PLCL1: variants seen among roughly 807,000 people sequenced by gnomAD.
The protein encoded by PLCL1 is phospholipase C like 1 (inactive).
A neutral mutation model predicts 84.4 loss-of-function variants in PLCL1; 41 were observed. The ratio of observed to expected loss-of-function variants is 0.49; its 90% CI spans 0.38 to 0.63. PLCL1 has a LOEUF of 0.63. PLCL1 is among the 30% of genes least tolerant of loss of function. The pLI, the probability that PLCL1 is intolerant of heterozygous loss-of-function variation, is 0.00. For missense variants in PLCL1, 1,206 were observed against 1,367.8 expected, an observed-to-expected ratio of 0.88 and a Z score of 1.87; for synonymous variants, 490 against 488.3, an observed-to-expected ratio of 1.00 and a Z score of -0.05.
At chr2:197,957,119 C>T (rs912983946) in intron 1 of PLCL1, among the ~76,000 whole-genome samples, 21 of 152,096 alleles carry the variant, frequency 1.4e-4, no homozygotes, top group Non-Finnish European at 2.8e-4. Context: ...ACTATTCAGG[C>T]CTTTTTAAAA....
At chr2:197,980,422 G>A (rs866034067) in intron 1 of PLCL1, among the ~76,000 whole-genome samples, 5 of 152,124 alleles carry the variant, frequency 3.3e-5, no homozygotes, top group African/African-American at 7.2e-5. Context: ...CTTTTGTTCC[G>A]TATCATATTG....
intron 1 of PLCL1, among the ~76,000 whole-genome samples, chr2:197,998,568 G>A (rs1690524348): frequency 1.3e-5 from 2 of 152,104 alleles, no homozygotes; most frequent in African/African-American, 4.8e-5. Context: ...GGGGCCTCCT[G>A]TTTTTGAGGC....
chr2:198,095,540 A>G lies in PLCL1; in HGVS notation c.2920-5745A>G, dbSNP rs1245372174. On this transcript the variant is annotated intron_variant, in intron 3 of 5. Coordinates refer to ENST00000428675, the MANE Select transcript of PLCL1 (RefSeq NM_006226.4). Reference sequence around the variant, plus strand: ...CTGAACTCCTTTTAATGTGCAAGCCACTGCGTTAAATGTTGTGGAAGGTTC... The same window carrying G: ...CTGAACTCCTTTTAATGTGCAAGCCGCTGCGTTAAATGTTGTGGAAGGTTC... 2.0e-5 allele frequency among the ~76,000 whole-genome samples: 3 copies of G among 152,186 alleles called. No individual in the cohort carries two copies. The East Asian group carries it at 5.8e-4, about 29-fold the overall frequency.
chr2:198,029,224 C>A (rs1222732501), intron 1 of PLCL1, among the ~76,000 whole-genome samples: 1 of 152,136 alleles, frequency 6.6e-6, no homozygotes, highest in African/African-American at 2.4e-5. Context: ...AACTTAATTA[C>A]TTTTGGCATG....
chr2:198,070,824 T>C (rs936087455), intron 1 of PLCL1, among the ~76,000 whole-genome samples: 18 of 152,106 alleles, frequency 1.2e-4, no homozygotes, highest in African/African-American at 4.1e-4. Context: ...TTCTGATAAT[T>C]CATGAGGTAA....
intron 1 of PLCL1, among the ~76,000 whole-genome samples, chr2:197,827,850 G>A (rs901984242): frequency 6.6e-6 from 1 of 152,026 alleles, no homozygotes; most frequent in Non-Finnish European, 1.5e-5. Context: ...TTTAGTCAAT[G>A]GAATATGATG....
intron 1 of PLCL1, among the ~76,000 whole-genome samples, chr2:197,923,285 G>A (rs1361824770): frequency 1.3e-5 from 2 of 149,448 alleles, no homozygotes; most frequent in African/African-American, 4.9e-5. Flanking sequence ...CCCGGACGGG[G>A]TGGCTGCCGG....
At chr2:198,120,197 G>A (rs935968085) in intron 5 of PLCL1, among the ~76,000 whole-genome samples, 5 of 151,750 alleles carry the variant, frequency 3.3e-5, no homozygotes, top group African/African-American at 1.2e-4. Context: ...AATTTTTGTG[G>A]GTACATAGGT....
intron 1 of PLCL1, among the ~76,000 whole-genome samples, chr2:197,845,999 A>G (rs1447827759): frequency 6.6e-6 from 1 of 152,122 alleles, no homozygotes; most frequent in African/African-American, 2.4e-5. Context: ...ACAGACTAGG[A>G]AATTTAGTGA....
chr2:198,100,242 A>G (rs898540351), intron 3 of PLCL1, among the ~76,000 whole-genome samples: 4 of 152,154 alleles, frequency 2.6e-5, no homozygotes, highest in African/African-American at 7.2e-5. Context: ...CTCTACTGGA[A>G]TTACAATTTA....
rs764435154 is a variant in PLCL1, at chr2:198,084,408, C to T, written c.891C>T (p.Arg297=). 1.2e-5 allele frequency: 19 copies of T among 1,614,008 alleles called. No individual in the cohort carries two copies. The South Asian group carries it at 1.3e-4, about 11-fold the overall frequency. Residue 297 remains arginine, a synonymous_variant, in exon 2 of 6, where the codon CGC becomes CGT. Coordinates refer to ENST00000428675, the MANE Select transcript of PLCL1 (RefSeq NM_006226.4). ...IQKSKEKLTT[R]VTEEEFCEAF... is the part of the protein sequence containing the mutation. ...AGAGCAAGGAAAAACTAACCACCCG[C>T]GTGACCGAAGAGGAATTTTGTGAAG... is the stretch of plus-strand genomic sequence containing the variant.
chr2:197,957,092 T>C (rs1035485510), intron 1 of PLCL1, among the ~76,000 whole-genome samples: 1 of 152,102 alleles, frequency 6.6e-6, no homozygotes. Flanking sequence ...TTCTATCTTA[T>C]AATCAAGTCA....
intron 1 of PLCL1, among the ~76,000 whole-genome samples, chr2:198,048,196 A>G (rs1691850765): frequency 6.6e-6 from 1 of 152,130 alleles, no homozygotes; most frequent in East Asian, 1.9e-4. Flanking sequence ...ACTATAATAA[A>G]ATACGTTAGG....
chr2:197,909,979 A>G (rs1688453122), intron 1 of PLCL1, among the ~76,000 whole-genome samples: 1 of 152,148 alleles, frequency 6.6e-6, no homozygotes, highest in Non-Finnish European at 1.5e-5. Context: ...AGTGAGGCAG[A>G]CTTTGTTTGA....
intron 1 of PLCL1, among the ~76,000 whole-genome samples, chr2:198,041,397 T>TA (rs535462998): frequency 0.01 from 712 of 69,036 alleles, 4 homozygotes; most frequent in Non-Finnish European, 0.014. Context: ...CCAACCACAG[T>TA]GTTTTTTTTG....
intron 1 of PLCL1, among the ~76,000 whole-genome samples, chr2:197,955,910 G>A (rs550931363): frequency 2.0e-4 from 30 of 151,792 alleles, no homozygotes; most frequent in East Asian, 1.2e-3. Context: ...CTATCAACCC[G>A]TCATCTAGGT....
At chr2:197,978,077 C>T (rs1690024072) in intron 1 of PLCL1, among the ~76,000 whole-genome samples, 1 of 152,192 alleles carries the variant, frequency 6.6e-6, no homozygotes, top group South Asian at 2.1e-4. Flanking sequence ...CTTGTTAACT[C>T]TGTATGATAT....
At chr2:197,890,294 C>T (rs551233885) in intron 1 of PLCL1, among the ~76,000 whole-genome samples, 6 of 152,202 alleles carry the variant, frequency 3.9e-5, no homozygotes, top group South Asian at 4.1e-4. Flanking sequence ...TTTAAATATT[C>T]GTATGAATCC....
intron 1 of PLCL1, among the ~76,000 whole-genome samples, chr2:197,896,577 T>C (rs1163405032): frequency 6.6e-6 from 1 of 152,066 alleles, no homozygotes. Flanking sequence ...ATGGCTATTT[T>C]ATATGGTAGA....
Sources: gnomAD v4.1 joint callset for allele counts (sites outside exome capture counted in the v4.1 genomes callset) on GRCh38, gnomAD v4.1.1 for gene constraint, MANE v1.5 for transcripts, NCBI Gene and HGNC (gene_info 2026-07-23, HGNC 2026-07-21) for gene names.